Variants in HRH1 observed in about 807,000 individuals in gnomAD.
HRH1 encodes histamine receptor H1.
In HRH1, 6 loss-of-function variants were observed where a neutral mutation model predicts 10.3. That is an observed-to-expected ratio of 0.58 (90% CI 0.32 to 1.15). The LOEUF is 1.15. HRH1 is among the 50% of genes most tolerant of loss of function. The pLI is 0.05. For synonymous variants in HRH1, 242 were observed against 236.7 expected (o/e 1.02, Z -0.21); for missense variants, 514 against 615.3 (o/e 0.84, Z 1.74).
chr3:11,144,308 C>T (rs940888774), intron 1 of HRH1, among the ~76,000 whole-genome samples: 5 of 132,752 alleles, frequency 3.8e-5, no homozygotes, highest in African/African-American at 1.2e-4. Flanking sequence ...ACTAAGTGTC[C>T]ATCAATGGAA....
intron 1 of HRH1, among the ~76,000 whole-genome samples, chr3:11,224,198 G>C (rs559826710): frequency 3.3e-5 from 5 of 152,312 alleles, no homozygotes; most frequent in African/African-American, 1.2e-4. Flanking sequence ...GGCTGAATAA[G>C]ACGTGGCCTC....
intron 1 of HRH1, among the ~76,000 whole-genome samples, chr3:11,240,056 T>G (rs1354812508): frequency 6.6e-6 from 1 of 152,078 alleles, no homozygotes; most frequent in African/African-American, 2.4e-5. Flanking sequence ...TCTGGTTCAA[T>G]CACGTGTGCC....
At chr3:11,199,031 C>G (rs938322559) in intron 1 of HRH1, among the ~76,000 whole-genome samples, 2 of 151,928 alleles carry the variant, frequency 1.3e-5, no homozygotes, top group African/African-American at 4.8e-5. Flanking sequence ...TCAAGCAACT[C>G]TCATACCTCA....
At chr3:11,144,484 C>CATATAGACGTATAGACAT (rs1574968646) in intron 1 of HRH1, among the ~76,000 whole-genome samples, 5 of 21,082 alleles carry the variant, frequency 2.4e-4, no homozygotes, top group African/African-American at 3.8e-4. Flanking sequence ...CATATATATA[C>CATATAGACGTATAGACAT]ACACACACAC....
At chr3:11,165,970 C>T (rs567273917) in intron 1 of HRH1, among the ~76,000 whole-genome samples, 10 of 152,096 alleles carry the variant, frequency 6.6e-5, no homozygotes, top group Admixed American at 1.3e-4. Flanking sequence ...TTATATTTGT[C>T]GTTTCGTTTG....
chr3:11,219,857 G>A (rs1053583422), intron 1 of HRH1, among the ~76,000 whole-genome samples: 23 of 151,178 alleles, frequency 1.5e-4, no homozygotes, highest in Non-Finnish European at 3.2e-4. Flanking sequence ...ACCTTAAATT[G>A]ACAAATCCTT....
At position 11,262,933 on chromosome 3, in the gene HRH1, T is replaced by C. The variant is rs1939994510; in HGVS notation, c.*2432T>C. On this transcript the variant is annotated 3_prime_UTR_variant, in exon 2 of 2. Coordinates refer to ENST00000431010, the MANE Select transcript of HRH1 (RefSeq NM_001098212.2). ...CACATACCATGTGCCAGGCTTTGTG[T>C]TTTATCTAATGTTATCTAATGGTAT... The C allele has an allele frequency of 6.0e-6, 1 of 167,102 alleles. No homozygotes were observed. Among genetic ancestry groups the C allele is most frequent in the Admixed American group, 6.5e-5 (1 of 15,282 alleles). The allele number at this position is 167,102 out of a possible 1,614,324, so 10.4% of individuals were successfully genotyped here.
intron 1 of HRH1, among the ~76,000 whole-genome samples, chr3:11,158,792 C>T (rs768932264): frequency 6.7e-6 from 1 of 148,948 alleles, no homozygotes; most frequent in Non-Finnish European, 1.5e-5. Flanking sequence ...TCTTGTTAAA[C>T]TCTCTTACTA....
intron 1 of HRH1, among the ~76,000 whole-genome samples, chr3:11,251,413 A>G (rs1019665439): frequency 3.3e-5 from 5 of 152,214 alleles, no homozygotes; most frequent in Non-Finnish European, 7.3e-5. Flanking sequence ...GTCAGTATAA[A>G]TAGTTCCTTC....
At chr3:11,160,702 C>G (rs1418526646) in intron 1 of HRH1, among the ~76,000 whole-genome samples, 1 of 152,120 alleles carries the variant, frequency 6.6e-6, no homozygotes, top group Non-Finnish European at 1.5e-5. Context: ...CAGGGAACAC[C>G]ATTTGCACAG....
At chr3:11,199,525 G>A (rs575826147) in intron 1 of HRH1, among the ~76,000 whole-genome samples, 3 of 152,240 alleles carry the variant, frequency 2.0e-5, no homozygotes, top group African/African-American at 7.2e-5. Flanking sequence ...GTCCTGGGCA[G>A]TGAGCTGCCT....
intron 1 of HRH1, among the ~76,000 whole-genome samples, chr3:11,251,887 A>G (rs1222445505): frequency 1.3e-5 from 2 of 152,198 alleles, no homozygotes; most frequent in African/African-American, 4.8e-5. Context: ...GCCGCTACAG[A>G]TTGAATGCAT....
intron 1 of HRH1, among the ~76,000 whole-genome samples, chr3:11,197,654 T>C (rs1373584532): frequency 6.6e-6 from 1 of 152,200 alleles, no homozygotes; most frequent in Non-Finnish European, 1.5e-5. Flanking sequence ...AAAGTATGAC[T>C]TCACAATTGT....
intron 1 of HRH1, among the ~76,000 whole-genome samples, chr3:11,202,051 C>T (rs574410303): frequency 1.3e-5 from 2 of 152,208 alleles, no homozygotes; most frequent in East Asian, 3.9e-4. Flanking sequence ...TTAATACATA[C>T]GGTTGAGTTT....
intron 1 of HRH1, among the ~76,000 whole-genome samples, chr3:11,158,752 GC>G (rs1170553138): frequency 2.6e-5 from 4 of 152,018 alleles, no homozygotes; most frequent in African/African-American, 9.7e-5. Context: ...AATATGCTTG[GC>G]TTTTGCATAT....
chr3:11,237,868 GAGTT>G (rs1939230045), intron 1 of HRH1, among the ~76,000 whole-genome samples: 1 of 151,814 alleles, frequency 6.6e-6, no homozygotes, highest in African/African-American at 2.4e-5. Flanking sequence ...AGTAGAGACG[GAGTT>G]TCACCATATT....
intron 1 of HRH1, among the ~76,000 whole-genome samples, chr3:11,212,460 C>T (rs1266287958): frequency 2.0e-5 from 3 of 152,062 alleles, no homozygotes; most frequent in Non-Finnish European, 4.4e-5. Flanking sequence ...TGGGGCAGGC[C>T]TGGAAAATCT....
At chr3:11,233,414 TTTGTTG>T (rs1013076025) in intron 1 of HRH1, among the ~76,000 whole-genome samples, 1 of 152,166 alleles carries the variant, frequency 6.6e-6, no homozygotes, top group Non-Finnish European at 1.5e-5. Flanking sequence ...TGGGTTCTTT[TTTGTTG>T]TTGTTGTTGT....
At chr3:11,146,310 C>T (rs958343047) in intron 1 of HRH1, among the ~76,000 whole-genome samples, 14 of 152,132 alleles carry the variant, frequency 9.2e-5, no homozygotes, top group Non-Finnish European at 1.5e-4. Context: ...TTCTGTTACC[C>T]AGGAGACTTA....
Sources: allele counts gnomAD v4.1 joint callset (sites outside exome capture counted in the v4.1 genomes callset), GRCh38; gene constraint gnomAD v4.1.1; transcripts MANE v1.5; gene names NCBI Gene and HGNC (gene_info 2026-07-23, HGNC 2026-07-21).